The following MAGI2 variants were observed in gnomAD, a reference collection of about 807,000 sequenced individuals.
The protein encoded by MAGI2 is membrane associated guanylate kinase, WW and PDZ domain containing 2.
MAGI2 carries 35 observed loss-of-function variants against 133.3 expected under a neutral mutation model. That is an observed-to-expected ratio of 0.26 (90% confidence interval 0.20 to 0.35). The LOEUF (loss-of-function observed/expected upper bound fraction) is 0.35, where lower values mean the gene tolerates loss of function less well. Among genes scored for constraint, MAGI2 ranks in the 10% least tolerant of loss-of-function variants. The probability of loss-of-function intolerance (pLI) is 1.00; values close to 1 mark genes in which losing one functional copy is unlikely to be tolerated. For synonymous variants in MAGI2, 729 were observed against 710.6 expected, an observed-to-expected ratio of 1.03 and a Z score of -0.41; for missense variants, 1,636 against 1,863.4, an observed-to-expected ratio of 0.88 and a Z score of 2.25.
chr7:79,344,765 T>C (rs1841184072), intron 1 of MAGI2, among the ~76,000 whole-genome samples: 1 of 152,016 alleles, frequency 6.6e-6, no homozygotes, highest in African/African-American at 2.4e-5. Flanking sequence ...CGGAAAGTTA[T>C]TAGGGAACAG....
At chr7:78,543,293 G>A (rs1563146939) in intron 3 of MAGI2, among the ~76,000 whole-genome samples, 2 of 152,142 alleles carry the variant, frequency 1.3e-5, no homozygotes, top group Admixed American at 6.6e-5. Context: ...TCATCACAAT[G>A]AACAGCTATT....
intron 1 of MAGI2, among the ~76,000 whole-genome samples, chr7:79,104,639 C>T (rs1303992697): frequency 6.6e-6 from 1 of 151,800 alleles, no homozygotes; most frequent in Non-Finnish European, 1.5e-5. Flanking sequence ...CGCACTTTAG[C>T]CTGGCAACAG....
At chr7:78,304,669 A>C (rs1312455277) in intron 9 of MAGI2, among the ~76,000 whole-genome samples, 3 of 152,230 alleles carry the variant, frequency 2.0e-5, no homozygotes, top group African/African-American at 7.2e-5. Context: ...ATAAGCAAAC[A>C]AATTAAATAG....
At chr7:79,388,173 T>C (rs955745266) in intron 1 of MAGI2, among the ~76,000 whole-genome samples, 1 of 151,984 alleles carries the variant, frequency 6.6e-6, no homozygotes, top group Non-Finnish European at 1.5e-5. Flanking sequence ...ATTAAGACCA[T>C]TCATTTTTCT....
chr7:79,438,046 T>C (rs553812914), intron 1 of MAGI2, among the ~76,000 whole-genome samples: 1 of 152,272 alleles, frequency 6.6e-6, no homozygotes, highest in Non-Finnish European at 1.5e-5. Flanking sequence ...TCTTGATCTC[T>C]TCTCATTTTC....
At chr7:79,294,721 C>G (rs1284006460) in intron 1 of MAGI2, among the ~76,000 whole-genome samples, 23 of 83,178 alleles carry the variant, frequency 2.8e-4, no homozygotes, top group African/African-American at 1.1e-3. Flanking sequence ...ATTTTGGTAG[C>G]TTTTTTTTTT....
At chr7:78,922,422 T>C (rs1799331315) in intron 2 of MAGI2, among the ~76,000 whole-genome samples, 1 of 147,802 alleles carries the variant, frequency 6.8e-6, no homozygotes, top group Middle Eastern at 3.2e-3. Context: ...AATTCCCACC[T>C]ATGAGTGAGA....
Position 78,083,387 on chromosome 7 carries a change from G to GGAGA in MAGI2, c.3568-4306_3568-4303dup, listed in dbSNP as rs747230358. 5.5e-3 allele frequency among the ~76,000 whole-genome samples: 184 copies of GGAGA among 33,264 alleles called. 10 individuals are homozygous for GGAGA. The highest frequency in any genetic ancestry group is 0.017 in the Admixed American group (37 of 2,224). The allele number at this position is 33,264 out of a possible 152,430, so 21.8% of individuals were successfully genotyped here. A position where few individuals can be genotyped will look rare whatever the true frequency, so the allele number is the denominator to read the frequency against. On this transcript the variant is annotated intron_variant, in intron 20 of 21. Transcript: ENST00000354212. ...GGGGGCGGGGGAGGGAGGGAGGGGG[G>GGAGA]GAGAGAGAGAGAGAGAGAGAGAGAG...
intron 1 of MAGI2, among the ~76,000 whole-genome samples, chr7:79,103,317 C>T (rs1177864625): frequency 6.6e-6 from 1 of 152,176 alleles, no homozygotes; most frequent in East Asian, 1.9e-4. Flanking sequence ...CTAGCCTGCT[C>T]CCTGTTTTTT....
chr7:78,097,256 G>T (rs766906710), intron 20 of MAGI2, among the ~76,000 whole-genome samples: 3 of 152,118 alleles, frequency 2.0e-5, no homozygotes, highest in African/African-American at 7.2e-5. Flanking sequence ...GCGGTATGGC[G>T]ATTCCTCAAA....
In MAGI2 at chr7:78,258,696, T is replaced by C. The variant is rs143099842; in HGVS notation, c.1409-2115A>G. Among the ~76,000 whole-genome samples the C allele has an allele frequency of 8.7e-4, 132 of 152,344 alleles. 3 individuals carry two copies. The East Asian group carries it at 0.023, about 26-fold the overall frequency. On this transcript the variant is annotated intron_variant, in intron 9 of 21. Transcript: ENST00000354212. ...TTTTAAGCCTTTTGTAAATGGTATA[T>C]ATTTTAATATTCTGTAACTTTTCTT...
intron 2 of MAGI2, among the ~76,000 whole-genome samples, chr7:78,709,459 T>C (rs1450319195): frequency 6.6e-6 from 1 of 152,222 alleles, no homozygotes; most frequent in African/African-American, 2.4e-5. Context: ...GGTAGGAAGC[T>C]TTCTTAGACA....
chr7:78,926,073 A>C (rs1007370304), intron 2 of MAGI2, among the ~76,000 whole-genome samples: 1 of 151,842 alleles, frequency 6.6e-6, no homozygotes, highest in Non-Finnish European at 1.5e-5. Flanking sequence ...AATTTCTACC[A>C]CTTTTGTAAC....
chr7:78,056,321 T>C (rs1182652843), intron 21 of MAGI2, among the ~76,000 whole-genome samples: 4 of 152,232 alleles, frequency 2.6e-5, no homozygotes. Context: ...TTACTGGGTA[T>C]ATACCCAAAG....
chr7:78,039,528 T>C (rs1446922878), intron 21 of MAGI2: 1 of 152,260 alleles, frequency 6.6e-6, no homozygotes, highest in African/African-American at 2.4e-5. Flanking sequence ...TTCTTTATCA[T>C]TTGGAAAATT....
chr7:79,193,039 T>C (rs768714021), intron 1 of MAGI2, among the ~76,000 whole-genome samples: 2 of 151,764 alleles, frequency 1.3e-5, no homozygotes, highest in African/African-American at 2.4e-5. Context: ...TCAAACTCCT[T>C]CTCCTCAAGT....
intron 17 of MAGI2, 34 bp downstream of exon 17, chr7:78,134,987 G>A (rs1007774616): frequency 1.0e-5 from 16 of 1,598,180 alleles, no homozygotes; most frequent in Non-Finnish European, 8.6e-6. Flanking sequence ...CCATGTGTTG[G>A]CCGCCTCTCT....
At chr7:78,695,362 A>G (rs1817400954) in intron 2 of MAGI2, among the ~76,000 whole-genome samples, 2 of 152,236 alleles carry the variant, frequency 1.3e-5, no homozygotes, top group Admixed American at 6.5e-5. Flanking sequence ...AGTCACATTT[A>G]CAATGCTTCC....
chr7:79,374,432 G>C (rs1334446210), intron 1 of MAGI2, among the ~76,000 whole-genome samples: 1 of 151,594 alleles, frequency 6.6e-6, no homozygotes, highest in African/African-American at 2.4e-5. Context: ...TGATATAGAG[G>C]CCTGGAAAAG....
Sources: allele counts gnomAD v4.1 joint callset (sites outside exome capture counted in the v4.1 genomes callset), GRCh38; gene constraint gnomAD v4.1.1; transcripts MANE v1.5; gene names NCBI Gene and HGNC (gene_info 2026-07-23, HGNC 2026-07-21).